Variants in CTBP2 observed in about 807,000 individuals in gnomAD.
The protein encoded by CTBP2 is C-terminal-binding protein 2.
Under a neutral mutation model 80.3 loss-of-function variants are expected in CTBP2, and 30 were observed. That is an observed-to-expected ratio of 0.37 (90% CI 0.28 to 0.51). The LOEUF (loss-of-function observed/expected upper bound fraction) is 0.51, where lower values mean the gene tolerates loss of function less well. Among genes scored for constraint, CTBP2 ranks in the 20% least tolerant of loss-of-function variants. CTBP2 has a pLI of 0.93. For missense variants in CTBP2, 1,212 were observed against 1,375.3 expected (o/e 0.88, Z 1.88); for synonymous variants, 594 against 587.4 (o/e 1.01, Z -0.16).
intron 1 of CTBP2, among the ~76,000 whole-genome samples, chr10:125,119,065 G>A (rs1262028214): frequency 1.3e-5 from 2 of 152,220 alleles, no homozygotes; most frequent in African/African-American, 2.4e-5. Context: ...GTGACCAAGA[G>A]GGGTTTTCTG....
intron 2 of CTBP2, among the ~76,000 whole-genome samples, chr10:125,093,150 C>G (rs1197685115): frequency 6.6e-6 from 1 of 152,218 alleles, no homozygotes; most frequent in Non-Finnish European, 1.5e-5. Context: ...TTCGTCAGAT[C>G]CATCCTGCGT....
At chr10:125,082,156 C>T (rs546336514) in intron 2 of CTBP2, among the ~76,000 whole-genome samples, 5 of 152,220 alleles carry the variant, frequency 3.3e-5, no homozygotes, top group South Asian at 2.1e-4. Context: ...CTGGCCACGC[C>T]GGAGCTGGGG....
rs373545345 is a variant in CTBP2 at position 125,026,829 on chromosome 10, G to C, written c.931C>G (p.Leu311Val). Residue 311 changes from leucine (L) to valine (V), a missense_variant, in exon 1 of 9, where the codon CTG becomes GTG. Physicochemically the swap from Leu to Val is conservative, Grantham distance 32. This residue lies in a region of CTBP2 where 848 missense variants were observed against 782.3 expected (regional missense o/e 1.08). Transcript: ENST00000309035. ...GCCGGGGAGTCAAAGCCCTGCTGCA[G>C]TAGGGCTCCCAGCGTGGCCTCTGCC... 12 of 1,613,424 alleles carry C rather than the reference G, an allele frequency of 7.4e-6. No individual in the cohort carries two copies. The African/African-American group carries it at 8.0e-5, about 11-fold the overall frequency.
At chr10:125,140,639 A>G (rs1215773412) in intron 1 of CTBP2, among the ~76,000 whole-genome samples, 2 of 152,086 alleles carry the variant, frequency 1.3e-5, no homozygotes, top group African/African-American at 4.8e-5. Context: ...CCTGGCTAAC[A>G]TGGCAAAAGC....
At chr10:125,151,621 G>C (rs1239575992) in intron 1 of CTBP2, among the ~76,000 whole-genome samples, 3 of 152,174 alleles carry the variant, frequency 2.0e-5, no homozygotes, top group Admixed American at 6.5e-5. Context: ...CACTCACCAC[G>C]ACCCCAGGAG....
At chr10:125,042,283 A>AGCTGAGCTG (rs1309802234) in intron 2 of CTBP2, among the ~76,000 whole-genome samples, 1 of 152,226 alleles carries the variant, frequency 6.6e-6, no homozygotes, top group African/African-American at 2.4e-5. Flanking sequence ...CCCTCCTTAG[A>AGCTGAGCTG]GCTGAGCTGC....
rs56714830 is a variant in CTBP2, at chr10:125,090,285, C to CAAAAAAAAAAAAAAA, written c.-102+20690_-102+20704dup. On this transcript the variant is annotated intron_variant, in intron 2 of 10. Transcript: ENST00000337195. ...TCTGGGCGACAGAGAGTCCCTGGCTCAAAAAAAAAAAAAAAAAGGTTGGGG... is the reference window on the plus strand; with the variant it reads ...TCTGGGCGACAGAGAGTCCCTGGCTCAAAAAAAAAAAAAAAAAAAAAAAAAAAAAAAAGGTTGGGG... 3.3e-3 allele frequency among the ~76,000 whole-genome samples: 217 copies of CAAAAAAAAAAAAAAA among 65,232 alleles called. 10 individuals carry two copies. The highest frequency in any genetic ancestry group is 8.6e-3 in the African/African-American group (124 of 14,432). The allele number at this position is 65,232 out of a possible 152,430, so 42.8% of individuals were successfully genotyped here.
chr10:125,039,132 G>A (rs1959171634), exon 3 of CTBP2: 1 of 1,278,780 alleles, frequency 7.8e-7, no homozygotes, highest in South Asian at 1.3e-5. Flanking sequence ...GCAGGAGTCT[G>A]CGTGCATGAC....
chr10:125,135,289 T>A (rs758866812), intron 1 of CTBP2, among the ~76,000 whole-genome samples: 2 of 152,086 alleles, frequency 1.3e-5, no homozygotes, highest in Non-Finnish European at 2.9e-5. Flanking sequence ...CTCCCTACTG[T>A]CCACAAGACA....
In CTBP2 at chr10:125,060,034, C is replaced by T. The variant is rs1056281254; in HGVS notation, c.-101-20879G>A. On this transcript the variant is annotated intron_variant, in intron 2 of 10. Coordinates refer to the CTBP2 transcript ENST00000337195. The stretch of plus-strand genomic sequence containing the variant: ...TCCCTGGAGTCATCCTTCCCGGGGG[C>T]CAAAGGCTCTTCCATGTCACTTTAG... Among the ~76,000 whole-genome samples, 3 of 152,312 alleles carry T rather than the reference C, an allele frequency of 2.0e-5. No homozygotes were observed. The East Asian group carries it at 5.8e-4, about 29-fold the overall frequency.
intron 1 of CTBP2, among the ~76,000 whole-genome samples, chr10:125,150,756 C>T (rs986161378): frequency 6.7e-6 from 1 of 150,056 alleles, no homozygotes; most frequent in South Asian, 2.1e-4. Flanking sequence ...AGAGTCTGAC[C>T]CACGTATTCA....
Position 124,985,041 on chromosome 10 carries a change from C to T in CTBP2, c.*4477G>A, listed in dbSNP as rs777307312. 4.9e-6 allele frequency: 7 copies of T among 1,430,688 alleles called. No individual in the cohort carries two copies. Among genetic ancestry groups the T allele is most frequent in the South Asian group, 1.2e-5 (1 of 82,122 alleles). 88.6% of individuals were successfully genotyped at this position (1,430,688 alleles called of 1,614,324 possible). A position where few individuals can be genotyped will look rare whatever the true frequency, so the allele number is the denominator to read the frequency against. On this transcript the variant is annotated 3_prime_UTR_variant, in exon 9 of 9. Transcript: ENST00000309035. Reference sequence around the variant, plus strand: ...ACCAAGGCATCAGATCTGTAATGACCCTAAAGTTAGTGTGGTGCTCCAAGC... The same window carrying T: ...ACCAAGGCATCAGATCTGTAATGACTCTAAAGTTAGTGTGGTGCTCCAAGC...
At chr10:125,146,468 G>T (rs1723520916) in intron 1 of CTBP2, among the ~76,000 whole-genome samples, 1 of 150,996 alleles carries the variant, frequency 6.6e-6, no homozygotes. Flanking sequence ...TTTTAGTAGA[G>T]ACAGGGTTTT....
intron 8 of CTBP2, among the ~76,000 whole-genome samples, chr10:124,992,464 CA>C (rs1368562550): frequency 6.6e-6 from 1 of 152,140 alleles, no homozygotes; most frequent in Admixed American, 6.5e-5. Context: ...TGTGGTCAAT[CA>C]CATCTGACCG....
At chr10:125,055,960 T>A (rs755456598) in intron 2 of CTBP2, among the ~76,000 whole-genome samples, 7 of 151,644 alleles carry the variant, frequency 4.6e-5, no homozygotes, top group African/African-American at 7.3e-5. Flanking sequence ...AGTCCAGGAG[T>A]TCGAGACCAG....
chr10:124,990,414 TAA>T (rs933387445), intron 8 of CTBP2, among the ~76,000 whole-genome samples: 4 of 152,204 alleles, frequency 2.6e-5, no homozygotes, highest in African/African-American at 9.6e-5. Flanking sequence ...AATTTTTATA[TAA>T]AACACTGGCA....
At chr10:125,025,032 G>A (rs1371420990) in intron 1 of CTBP2, among the ~76,000 whole-genome samples, 1 of 152,150 alleles carries the variant, frequency 6.6e-6, no homozygotes, top group Non-Finnish European at 1.5e-5. Flanking sequence ...ACTTAAGGTG[G>A]TCTCTGCAGG....
intron 2 of CTBP2, among the ~76,000 whole-genome samples, chr10:125,078,293 A>C (rs1052866067): frequency 1.3e-5 from 2 of 150,570 alleles, no homozygotes; most frequent in South Asian, 2.1e-4. Context: ...AAAAAAAAAA[A>C]AAAAAAACCT....
intron 2 of CTBP2, among the ~76,000 whole-genome samples, chr10:125,043,770 T>G (rs1960508999): frequency 6.6e-6 from 1 of 152,178 alleles, no homozygotes; most frequent in Non-Finnish European, 1.5e-5. Context: ...CTTCCTAGCC[T>G]TCATCAAGAA....
Sources: allele counts gnomAD v4.1 joint callset (sites outside exome capture counted in the v4.1 genomes callset), GRCh38; gene constraint gnomAD v4.1.1; regional missense constraint gnomAD v4.1.1; transcripts MANE v1.5; gene names NCBI Gene and HGNC (gene_info 2026-07-23, HGNC 2026-07-21).